Variants in NTM observed in about 807,000 individuals in gnomAD.
NTM encodes neurotrimin, also known as IgLON family member 2.
In NTM, 13 loss-of-function variants were observed where a neutral mutation model predicts 42.1. That is an observed-to-expected ratio of 0.31 (90% CI 0.20 to 0.49). NTM has a LOEUF of 0.49. Ranked by LOEUF, NTM falls within the 20% of genes least tolerant of loss-of-function variation. The pLI, the probability that NTM is intolerant of heterozygous loss-of-function variation, is 0.99. For synonymous variants in NTM, 187 were observed against 179.2 expected (o/e 1.04, Z -0.35); for missense variants, 373 against 452.8 (o/e 0.82, Z 1.60).
intron 1 of NTM, among the ~76,000 whole-genome samples, chr11:131,875,527 T>C (rs749100644): frequency 2.0e-5 from 3 of 152,200 alleles, no homozygotes; most frequent in Non-Finnish European, 2.9e-5. Context: ...GGTGCTGTTA[T>C]ATTAGACGAA....
At chr11:131,545,264 A>G (rs1322789482) in intron 1 of NTM, among the ~76,000 whole-genome samples, 1 of 152,116 alleles carries the variant, frequency 6.6e-6, no homozygotes, top group African/African-American at 2.4e-5. Context: ...TAAATGCATG[A>G]TACCTTTTCC....
At chr11:131,911,709 G>T (rs566361551) in intron 2 of NTM, 61 bp downstream of exon 2, 1 of 1,602,970 alleles carries the variant, frequency 6.2e-7, no homozygotes, top group Non-Finnish European at 8.5e-7. Context: ...TAAGGGGCAG[G>T]GGTGCAGGTG....
intron 1 of NTM, among the ~76,000 whole-genome samples, chr11:131,573,128 T>A (rs569233154): frequency 6.6e-6 from 1 of 152,112 alleles, no homozygotes; most frequent in African/African-American, 2.4e-5. Context: ...CCCAGGAGCA[T>A]GTGCTGGAGA....
chr11:132,269,897 A>T (rs531282044), intron 4 of NTM, among the ~76,000 whole-genome samples: 1 of 152,382 alleles, frequency 6.6e-6, no homozygotes, highest in South Asian at 2.1e-4. Context: ...TATAATTTAC[A>T]TACAAAGACT....
chr11:132,331,360 G>A (rs2136451041), intron 8 of NTM, among the ~76,000 whole-genome samples: 1 of 152,300 alleles, frequency 6.6e-6, no homozygotes, highest in South Asian at 2.1e-4. Flanking sequence ...TATGTAGATA[G>A]ACACTCAGCC....
At chr11:132,209,813 G>A (rs2082554624) in intron 3 of NTM, among the ~76,000 whole-genome samples, 1 of 152,108 alleles carries the variant, frequency 6.6e-6, no homozygotes, top group East Asian at 1.9e-4. Flanking sequence ...CAGCAACAAG[G>A]GCATGGGGAT....
At chr11:132,252,813 G>T (rs75688884) in intron 4 of NTM, among the ~76,000 whole-genome samples, 1 of 152,130 alleles carries the variant, frequency 6.6e-6, no homozygotes, top group African/African-American at 2.4e-5. Context: ...GGGTATTTAC[G>T]TAGGGAGGAA....
chr11:132,288,056 C>T (rs1448103598), intron 4 of NTM, among the ~76,000 whole-genome samples: 1 of 152,180 alleles, frequency 6.6e-6, no homozygotes, highest in Non-Finnish European at 1.5e-5. Context: ...TCTCCTTTTA[C>T]AAAACTCTTT....
chr11:131,493,019 A>G (rs1410470272), intron 1 of NTM, among the ~76,000 whole-genome samples: 2 of 152,032 alleles, frequency 1.3e-5, no homozygotes, highest in East Asian at 1.9e-4. Flanking sequence ...GAAGCTCAAG[A>G]CCAGCCTGGG....
chr11:131,908,504 G>C (rs906158588), intron 1 of NTM, among the ~76,000 whole-genome samples: 1 of 152,190 alleles, frequency 6.6e-6, no homozygotes, highest in African/African-American at 2.4e-5. Flanking sequence ...CAGGCCTCTA[G>C]GGAAATGACT....
At position 132,314,572 on chromosome 11, in the gene NTM, GGGTGA is replaced by G; in HGVS notation, c.804_808del (p.Val269SerfsTer17). ...CTCAGACTGATTGAAGGAAAGAAAGGGGTGAAAGTGGAAAACAGACCTTTCCTCTC... is the reference window on the plus strand; with the variant it reads ...CTCAGACTGATTGAAGGAAAGAAAGGAAGTGGAAAACAGACCTTTCCTCTC... On this transcript the variant is annotated frameshift_variant, in exon 7 of 9. Coordinates refer to ENST00000683400, the MANE Select transcript of NTM (RefSeq NM_001352005.2). LOFTEE classifies it high-confidence loss of function. 1 of 1,612,916 alleles carries G rather than the reference GGGTGA, an allele frequency of 6.2e-7. No individual in the cohort carries two copies. The highest frequency in any genetic ancestry group is 8.5e-7 in the Non-Finnish European group (1 of 1,179,512).
In NTM at chr11:131,911,632, G is replaced by C. The variant is rs746621224; in HGVS notation, c.151G>C (p.Glu51Gln). ...GGACAACGTGACGGTCCGGCAGGGG[G>C]AGAGCGCCACCCTCAGGTAGGGAGC... is the stretch of plus-strand genomic sequence containing the variant. ...AMDNVTVRQGESATLRCTIDN... is the reference protein window; with the variant it reads ...AMDNVTVRQGQSATLRCTIDN... The change falls in exon 2 of 9, where the codon GAG becomes CAG. Residue 51 changes from glutamate to glutamine, a missense_variant. By Grantham distance (29) the Glu-to-Gln change is conservative. This residue lies in a region of NTM where 32 missense variants were observed against 68.8 expected (regional missense o/e 0.47). Coordinates refer to ENST00000683400, the MANE Select transcript of NTM (RefSeq NM_001352005.2). 3 of 1,614,040 alleles carry C rather than the reference G, an allele frequency of 1.9e-6. No individual in the cohort carries two copies. In the African/African-American group the frequency reaches 4.0e-5, roughly 22 times the overall value.
intron 1 of NTM, among the ~76,000 whole-genome samples, chr11:131,561,617 G>A (rs1030328950): frequency 1.3e-5 from 2 of 152,154 alleles, no homozygotes; most frequent in African/African-American, 2.4e-5. Context: ...AATGGAACTG[G>A]TCTATTTTCA....
intron 1 of NTM, among the ~76,000 whole-genome samples, chr11:131,807,632 C>A (rs138397085): frequency 1.3e-5 from 2 of 152,294 alleles, no homozygotes; most frequent in East Asian, 3.9e-4. Flanking sequence ...ATAGAAAGAT[C>A]TCAATAAGTG....
At chr11:131,919,734 A>G (rs934627538) in intron 2 of NTM, among the ~76,000 whole-genome samples, 1 of 44,106 alleles carries the variant, frequency 2.3e-5, no homozygotes, top group Non-Finnish European at 3.7e-5. Context: ...TTCTTTCTCT[A>G]TATATGAATA....
chr11:132,162,419 T>G (rs904326320), intron 3 of NTM, among the ~76,000 whole-genome samples: 2 of 145,102 alleles, frequency 1.4e-5, no homozygotes, highest in Admixed American at 1.4e-4. Flanking sequence ...GTGGGACATG[T>G]GTTAATGTAT....
chr11:131,888,027 T>G (rs1199672883), intron 1 of NTM, among the ~76,000 whole-genome samples: 1 of 152,190 alleles, frequency 6.6e-6, no homozygotes, highest in African/African-American at 2.4e-5. Flanking sequence ...CAAAACTGCT[T>G]TCCAGTAAAA....
chr11:132,115,083 A>T (rs1361288613), intron 2 of NTM, among the ~76,000 whole-genome samples: 1 of 152,332 alleles, frequency 6.6e-6, no homozygotes, highest in Admixed American at 6.5e-5. Context: ...TCTCACTTAT[A>T]TGTTGATCTA....
intron 1 of NTM, among the ~76,000 whole-genome samples, chr11:131,398,931 AG>A (rs1237566269): frequency 6.6e-6 from 1 of 152,244 alleles, no homozygotes; most frequent in East Asian, 1.9e-4. Context: ...TTTTATTTTT[AG>A]TACCCAGTGG....
Sources: gnomAD v4.1 joint callset for allele counts (sites outside exome capture counted in the v4.1 genomes callset) on GRCh38, gnomAD v4.1.1 for gene constraint, gnomAD v4.1.1 regional missense constraint, MANE v1.5 for transcripts, NCBI Gene and HGNC (gene_info 2026-07-23, HGNC 2026-07-21) for gene names.